The following CMIP variants were observed in gnomAD, a reference collection of about 807,000 sequenced individuals.
The protein encoded by CMIP is c-Maf inducing protein.
Under a neutral mutation model 97.3 loss-of-function variants are expected in CMIP, and 13 were observed. That is an observed-to-expected ratio of 0.13 (90% confidence interval 0.09 to 0.21). CMIP has a LOEUF of 0.21. CMIP is among the 10% of genes least tolerant of loss of function. The pLI is 1.00. For missense variants in CMIP, 847 were observed against 1,024.9 expected (o/e 0.83, Z 2.37); for synonymous variants, 538 against 436.3 (o/e 1.23, Z -2.91).
At chr16:81,461,125 G>C (rs1356009732) in intron 1 of CMIP, among the ~76,000 whole-genome samples, 1 of 152,148 alleles carries the variant, frequency 6.6e-6, no homozygotes, top group Non-Finnish European at 1.5e-5. Context: ...GCAGCTTCTG[G>C]CTTGGATTGG....
intron 1 of CMIP, among the ~76,000 whole-genome samples, chr16:81,597,863 A>C (rs1469507331): frequency 6.6e-6 from 1 of 152,008 alleles, no homozygotes; most frequent in Non-Finnish European, 1.5e-5. Context: ...TCTCCCCCCC[A>C]GCTTGATGGC....
intron 1 of CMIP, among the ~76,000 whole-genome samples, chr16:81,586,655 T>G (rs940636431): frequency 6.6e-6 from 1 of 152,168 alleles, no homozygotes; most frequent in Non-Finnish European, 1.5e-5. Flanking sequence ...AAACTCCTAT[T>G]CATCCTTCAA....
intron 3 of CMIP, among the ~76,000 whole-genome samples, chr16:81,628,749 C>G (rs1195236032): frequency 1.3e-5 from 2 of 152,276 alleles, no homozygotes; most frequent in East Asian, 3.9e-4. Flanking sequence ...CACCTGTTCT[C>G]GTGGCACATC....
chr16:81,603,795 G>A (rs918986759), intron 1 of CMIP, among the ~76,000 whole-genome samples: 3 of 152,186 alleles, frequency 2.0e-5, no homozygotes, highest in Non-Finnish European at 4.4e-5. Context: ...TATGGGTTTG[G>A]GGAGGAAGAC....
At chr16:81,538,861 T>A (rs1285391707) in intron 1 of CMIP, among the ~76,000 whole-genome samples, 1 of 152,210 alleles carries the variant, frequency 6.6e-6, no homozygotes, top group Non-Finnish European at 1.5e-5. Context: ...AGGTCATTAA[T>A]TTTATCTGTA....
At chr16:81,604,689 G>T (rs141795964) in intron 1 of CMIP, among the ~76,000 whole-genome samples, 50 of 152,254 alleles carry the variant, frequency 3.3e-4, no homozygotes, top group African/African-American at 1.1e-3. Flanking sequence ...GACAGAGCAA[G>T]ACTCCGTCTC....
intron 9 of CMIP, among the ~76,000 whole-genome samples, chr16:81,677,396 A>G (rs1469192904): frequency 6.6e-6 from 1 of 152,062 alleles, no homozygotes. Context: ...CTGTTCAGTG[A>G]TGTGTTTGAG....
chr16:81,602,856 C>T (rs982399326), intron 1 of CMIP, among the ~76,000 whole-genome samples: 3 of 152,166 alleles, frequency 2.0e-5, no homozygotes, highest in Admixed American at 6.5e-5. Flanking sequence ...GAGCTCCGGT[C>T]GTCATGTTCA....
chr16:81,480,465 G>A (rs113410801), intron 1 of CMIP, among the ~76,000 whole-genome samples: 10,917 of 152,218 alleles, frequency 0.072, 489 homozygotes, highest in African/African-American at 0.12. Flanking sequence ...GCTTGAACCC[G>A]AGAGGCAGAG....
At chr16:81,667,955 G>T (rs1319343028) in intron 7 of CMIP, among the ~76,000 whole-genome samples, 1 of 151,950 alleles carries the variant, frequency 6.6e-6, no homozygotes, top group South Asian at 2.1e-4. Context: ...CCCCTGCACT[G>T]TCTCTCACAA....
chr16:81,706,924 C>G, intron 19 of CMIP, 90 bp from the exon 20 acceptor site: 1 of 1,080,944 alleles, frequency 9.3e-7, no homozygotes, highest in Non-Finnish European at 1.4e-6. Flanking sequence ...GGGCCTGGCA[C>G]CTGCATTGAG....
intron 1 of CMIP, among the ~76,000 whole-genome samples, chr16:81,592,603 T>C (rs1375946805): frequency 6.6e-6 from 1 of 152,192 alleles, no homozygotes; most frequent in Non-Finnish European, 1.5e-5. Context: ...ATCCTGGGGC[T>C]CCCAGGCCAG....
At chr16:81,447,005 C>T (rs532286114) in intron 1 of CMIP, among the ~76,000 whole-genome samples, 1 of 152,298 alleles carries the variant, frequency 6.6e-6, no homozygotes, top group East Asian at 1.9e-4. Flanking sequence ...CGCGGGGAGG[C>T]GGCCCAGTCC....
intron 1 of CMIP, among the ~76,000 whole-genome samples, chr16:81,456,432 G>C (rs1422271650): frequency 6.6e-6 from 1 of 152,206 alleles, no homozygotes; most frequent in Non-Finnish European, 1.5e-5. Context: ...CGAGTCCCTG[G>C]TGGGGTGTGA....
chr16:81,517,140 C>G lies in CMIP; in HGVS notation c.300+71599C>G, dbSNP rs147140982. Reference sequence around the variant, plus strand: ...GGTCTTCAGCGAAAAACCAGACGGCCTCCAAGGTCATCGGTGAAACCCAGA... The same window carrying G: ...GGTCTTCAGCGAAAAACCAGACGGCGTCCAAGGTCATCGGTGAAACCCAGA... On this transcript the variant is annotated intron_variant, in intron 1 of 20. Coordinates refer to ENST00000537098, the MANE Select transcript of CMIP (RefSeq NM_198390.3). Among the ~76,000 whole-genome samples, 1,028 of 151,416 alleles carry G rather than the reference C, an allele frequency of 6.8e-3. 3 individuals carry two copies. Among genetic ancestry groups the G allele is most frequent in the Non-Finnish European group, 0.011 (768 of 67,912 alleles).
chr16:81,476,247 CT>C, intron 1 of CMIP: 2 of 1,514,166 alleles, frequency 1.3e-6, no homozygotes, highest in East Asian at 2.3e-5. Flanking sequence ...GACCTGTATG[CT>C]TTAGGATGAA....
chr16:81,615,599 GTGTA>G (rs532595753), intron 2 of CMIP, among the ~76,000 whole-genome samples: 94 of 138,952 alleles, frequency 6.8e-4, no homozygotes, highest in African/African-American at 2.3e-3. Context: ...TGTGTGTGTG[GTGTA>G]TGTGTCTTTG....
At chr16:81,547,638 G>C (rs2090572942) in intron 1 of CMIP, among the ~76,000 whole-genome samples, 1 of 152,078 alleles carries the variant, frequency 6.6e-6, no homozygotes, top group Admixed American at 6.6e-5. Flanking sequence ...GGAGGAGGAA[G>C]GAAGGGATCT....
intron 1 of CMIP, among the ~76,000 whole-genome samples, chr16:81,462,767 G>A (rs888269341): frequency 8.5e-5 from 13 of 152,198 alleles, no homozygotes; most frequent in African/African-American, 3.1e-4. Flanking sequence ...CATCACTGGA[G>A]CTGCGTTGTG....
Sources: gnomAD v4.1 joint callset for allele counts (sites outside exome capture counted in the v4.1 genomes callset) on GRCh38, gnomAD v4.1.1 for gene constraint, MANE v1.5 for transcripts, NCBI Gene and HGNC (gene_info 2026-07-23, HGNC 2026-07-21) for gene names.